The following ZIC1 variants were observed in gnomAD, a reference collection of about 807,000 sequenced individuals.
ZIC1 encodes Zic family zinc finger 1.
ZIC1 carries 4 observed loss-of-function variants against 30.9 expected under a neutral mutation model. The ratio of observed to expected loss-of-function variants is 0.13; its 90% CI spans 0.06 to 0.30. ZIC1 has a LOEUF of 0.30. Ranked by LOEUF, ZIC1 falls within the 10% of genes least tolerant of loss-of-function variation. ZIC1 has a pLI of 1.00. For synonymous variants in ZIC1, 305 were observed against 277.5 expected (o/e 1.10, Z -0.98); for missense variants, 441 against 639.3 (o/e 0.69, Z 3.34).
Position 147,413,371 on chromosome 3 carries a change from G to T in ZIC1, c.1164G>T (p.Ser388=), listed in dbSNP as rs770353879. 2 of 1,613,292 alleles carry T rather than the reference G, an allele frequency of 1.2e-6. No homozygotes were observed. The highest frequency in any genetic ancestry group is 2.2e-5 in the East Asian group (1 of 44,842). The change falls in exon 3 of 3, where the codon TCG becomes TCT. Residue 388 remains serine (S), a synonymous_variant. Coordinates refer to ENST00000282928, the MANE Select transcript of ZIC1 (RefSeq NM_003412.4). ...RKHMKVHESS[S]QGSQPSPAAS... Reference sequence around the variant, plus strand: ...TCCTGCAGGTCCACGAATCCTCCTCGCAGGGCTCGCAGCCTTCGCCGGCCG... The same window carrying T: ...TCCTGCAGGTCCACGAATCCTCCTCTCAGGGCTCGCAGCCTTCGCCGGCCG...
rs1325533440 is a variant in ZIC1, at chr3:147,413,491, A to T, written c.1284A>T (p.Ala428=). Residue 428 remains alanine, a synonymous_variant, in exon 3 of 3, where the codon GCA becomes GCT. Transcript: ENST00000282928. The part of the protein sequence containing the change: ...TTSSLSPSSS[A]VHHTAGHSAL... ...GCTCCTTATCGCCCTCCTCCTCCGC[A>T]GTCCACCACACAGCCGGCCACAGTG... 6.2e-7 allele frequency: 1 copy of T among 1,614,130 alleles called. No homozygotes were observed. The highest frequency in any genetic ancestry group is 8.5e-7 in the Non-Finnish European group (1 of 1,180,014).
intron 1 of ZIC1, 104 bp from the exon 2 acceptor site, chr3:147,412,414 G>A: frequency 1.4e-6 from 2 of 1,392,838 alleles, no homozygotes; most frequent in Non-Finnish European, 2.0e-6. Flanking sequence ...CTAATCCTGG[G>A]CTGCTGGCTT....
At position 147,410,259 on chromosome 3, in the gene ZIC1, C is replaced by G. The variant is rs757550900; in HGVS notation, c.147C>G (p.Leu49=). Reference sequence around the variant, plus strand: ...CCGACGGCATGGGCGCCTTCAAGCTCAACCCCAGTTCGCACGAGCTGGCTT... The same window carrying G: ...CCGACGGCATGGGCGCCTTCAAGCTGAACCCCAGTTCGCACGAGCTGGCTT... ...PFADGMGAFK[L]NPSSHELASA... is the part of the protein sequence containing the mutation. The change falls in exon 1 of 3, where the codon CTC becomes CTG. Residue 49 remains leucine, a synonymous_variant. Coordinates refer to ENST00000282928, the MANE Select transcript of ZIC1 (RefSeq NM_003412.4). 6.2e-7 allele frequency: 1 copy of G among 1,601,060 alleles called. No homozygotes were observed. Among genetic ancestry groups the G allele is most frequent in the East Asian group, 2.2e-5 (1 of 44,838 alleles).
rs1368701465 is a variant in ZIC1, at chr3:147,413,748, A to T, written c.*197A>T. On this transcript the variant is annotated 3_prime_UTR_variant, in exon 3 of 3. Transcript: ENST00000282928. ...CTTTTAAAAATTTCCTTTCGCTTTC[A>T]TTATTTTTCTTTTTTTGGCAAAGGC... 1.5e-6 allele frequency: 1 copy of T among 645,810 alleles called. No individual in the cohort carries two copies. Among genetic ancestry groups the T allele is most frequent in the East Asian group, 3.4e-5 (1 of 29,422 alleles). 40.0% of individuals were successfully genotyped at this position (645,810 alleles called of 1,614,324 possible).
At chr3:147,412,720 G>A in intron 2 of ZIC1, 39 bp downstream of exon 2, 2 of 1,588,476 alleles carry the variant, frequency 1.3e-6, no homozygotes, top group Middle Eastern at 1.7e-4. Flanking sequence ...TGAGGCAGGA[G>A]CTCTCTTGGC....
Position 147,414,750 on chromosome 3 carries a change from C to G in ZIC1, c.*1199C>G, listed in dbSNP as rs1487887337. ...GAGAGAGTGTAATTAGTATTTATAT[C>G]AAAATTTATGAAACAAATTTTCGGC... On this transcript the variant is annotated 3_prime_UTR_variant, in exon 3 of 3. Transcript: ENST00000282928. The G allele has an allele frequency of 6.6e-6, 1 of 152,496 alleles. No individual in the cohort carries two copies. The highest frequency in any genetic ancestry group is 1.9e-4 in the East Asian group (1 of 5,196). The allele number at this position is 152,496 out of a possible 1,614,324, so 9.4% of individuals were successfully genotyped here.
rs182740602 is a variant in ZIC1, at chr3:147,411,816, G to A, written c.983-702G>A. ...GCCTTTAAAAATAATCAAGACACAG[G>A]TCCGGAACAGTTAAAAAAAAAAAAA... is the stretch of plus-strand genomic sequence containing the variant. On this transcript the variant is annotated intron_variant, in intron 1 of 2. Coordinates refer to ENST00000282928, the MANE Select transcript of ZIC1 (RefSeq NM_003412.4). Among the ~76,000 whole-genome samples the A allele has an allele frequency of 1.1e-4, 17 of 149,840 alleles. No homozygotes were observed. The East Asian group carries it at 2.8e-3, about 25-fold the overall frequency.
rs551961510 is a variant in ZIC1 at position 147,410,041 on chromosome 3, C to G, written c.-72C>G. Reference sequence around the variant, plus strand: ...TCCTCCTCTTGTTCCTCCTCCTCCTCCCGATTTTCCCTCCTCGGCTGGCGA... The same window carrying G: ...TCCTCCTCTTGTTCCTCCTCCTCCTGCCGATTTTCCCTCCTCGGCTGGCGA... On this transcript the variant is annotated 5_prime_UTR_variant, in exon 1 of 3. Transcript: ENST00000282928. The G allele has an allele frequency of 9.2e-6, 13 of 1,406,420 alleles. No homozygotes were observed. In the South Asian group the frequency reaches 1.7e-4, roughly 18 times the overall value. The allele number at this position is 1,406,420 out of a possible 1,614,324, so 87.1% of individuals were successfully genotyped here. A position where few individuals can be genotyped will look rare whatever the true frequency, so the allele number is the denominator to read the frequency against.
At position 147,413,445 on chromosome 3, in the gene ZIC1, C is replaced by A. The variant is rs2087400556; in HGVS notation, c.1238C>A (p.Ser413Tyr). ...SSTPPTIVSP[S>Y]TDNPTTSSLS... The stretch of plus-strand genomic sequence containing the variant: ...ACGCCTCCCACCATCGTGTCTCCCT[C>A]CACAGACAACCCGACCACAAGCTCC... The change falls in exon 3 of 3, where the codon TCC becomes TAC. Residue 413 changes from serine to tyrosine, a missense_variant. Physicochemically the swap from Ser to Tyr is moderately radical, Grantham distance 144 (BLOSUM62 -2). Transcript: ENST00000282928. 1 of 1,614,104 alleles carries A rather than the reference C, an allele frequency of 6.2e-7. No homozygotes were observed. Among genetic ancestry groups the A allele is most frequent in the African/African-American group, 1.3e-5 (1 of 74,930 alleles).
In ZIC1 at chr3:147,410,343, G is replaced by A. The variant is rs369015530; in HGVS notation, c.231G>A (p.Leu77=). ...QAPGYAAAAA[L]GHHHHPGHVG... ...CAGGCTACGCGGCTGCTGCGGCCCT[G>A]GGCCATCACCATCACCCGGGCCACG... Residue 77 remains leucine, a synonymous_variant, in exon 1 of 3, where the codon CTG becomes CTA. Coordinates refer to ENST00000282928, the MANE Select transcript of ZIC1 (RefSeq NM_003412.4). The A allele has an allele frequency of 5.7e-5, 91 of 1,600,634 alleles. 1 individual carries two copies. In the South Asian group the frequency reaches 7.3e-4, roughly 13 times the overall value.
chr3:147,412,802 G>A, intron 2 of ZIC1, 121 bp downstream of exon 2: 2 of 1,262,116 alleles, frequency 1.6e-6, no homozygotes, highest in Non-Finnish European at 2.2e-6. Context: ...GAAGGCAAAG[G>A]TTCCACTCAG....
At position 147,413,842 on chromosome 3, in the gene ZIC1, G is replaced by A. The variant is rs2087406028; in HGVS notation, c.*291G>A. The A allele has an allele frequency of 7.0e-6, 2 of 283,700 alleles. No individual in the cohort carries two copies. The highest frequency in any genetic ancestry group is 2.0e-4 in the South Asian group (2 of 10,170). The allele number at this position is 283,700 out of a possible 1,614,324, so 17.6% of individuals were successfully genotyped here. A position where few individuals can be genotyped will look rare whatever the true frequency, so the allele number is the denominator to read the frequency against. ...CCTGACCAAATGCCGCCAACCCCGAGGGCCAGTTTCTTGTCGAATTGGTAC... is the reference window on the plus strand; with the variant it reads ...CCTGACCAAATGCCGCCAACCCCGAAGGCCAGTTTCTTGTCGAATTGGTAC... On this transcript the variant is annotated 3_prime_UTR_variant, in exon 3 of 3. Coordinates refer to ENST00000282928, the MANE Select transcript of ZIC1 (RefSeq NM_003412.4).
chr3:147,411,242 T>G, intron 1 of ZIC1, 148 bp downstream of exon 1: 1 of 1,141,468 alleles, frequency 8.8e-7, no homozygotes, highest in Non-Finnish European at 1.2e-6. Flanking sequence ...GTGCGCTGAT[T>G]TTTAGTTTCT....
In ZIC1 at chr3:147,414,094, G is replaced by A. The variant is rs946990447; in HGVS notation, c.*543G>A. The stretch of plus-strand genomic sequence containing the variant: ...CGGCCGAAAGCCAACTGTTTGTACT[G>A]AATGGCAAGAATGTTCTAGTAAATG... On this transcript the variant is annotated 3_prime_UTR_variant, in exon 3 of 3. Transcript: ENST00000282928. 6.6e-6 allele frequency: 1 copy of A among 151,954 alleles called. No homozygotes were observed. 9.4% of individuals were successfully genotyped at this position (151,954 alleles called of 1,614,324 possible).
chr3:147,410,105 C>A lies in ZIC1; in HGVS notation c.-8C>A. 6.6e-7 allele frequency: 1 copy of A among 1,505,478 alleles called. No individual in the cohort carries two copies. Among genetic ancestry groups the A allele is most frequent in the Non-Finnish European group, 8.8e-7 (1 of 1,137,692 alleles). 93.3% of individuals were successfully genotyped at this position (1,505,478 alleles called of 1,614,324 possible). ...GGGGGAGGCCGGGGCTCGCCCCGAG[C>A]AGCCACGATGCTCCTGGACGCCGGC... On this transcript the variant is annotated 5_prime_UTR_variant, in exon 1 of 3. Coordinates refer to ENST00000282928, the MANE Select transcript of ZIC1 (RefSeq NM_003412.4).
chr3:147,411,106 G>A lies in ZIC1; in HGVS notation c.982+12G>A. ...AAGGACGCACACAGGTACGGAAACA[G>A]CTGTAGGACCCCTACCCATTCCCAC... On this transcript the variant is annotated intron_variant, in intron 1 of 2. Coordinates refer to ENST00000282928, the MANE Select transcript of ZIC1 (RefSeq NM_003412.4). 1 of 1,605,882 alleles carries A rather than the reference G, an allele frequency of 6.2e-7. No individual in the cohort carries two copies. The highest frequency in any genetic ancestry group is 8.5e-7 in the Non-Finnish European group (1 of 1,175,902).
rs375359511 is a variant in ZIC1, at chr3:147,411,115, C to T, written c.982+21C>T. On this transcript the variant is annotated intron_variant, in intron 1 of 2. Transcript: ENST00000282928. ...CACAGGTACGGAAACAGCTGTAGGA[C>T]CCCTACCCATTCCCACTTGGGCCTG... 43 of 1,596,532 alleles carry T rather than the reference C, an allele frequency of 2.7e-5. No individual in the cohort carries two copies. In the African/African-American group the frequency reaches 4.4e-4, roughly 16 times the overall value.
At position 147,412,722 on chromosome 3, in the gene ZIC1, T is replaced by G. The variant is rs547748142; in HGVS notation, c.1146+41T>G. ...TCGTCGCCCCCTTTGAGGCAGGAGC[T>G]CTCTTGGCTCTCGGCTTGGGGTCGG... On this transcript the variant is annotated intron_variant, in intron 2 of 2. Coordinates refer to ENST00000282928, the MANE Select transcript of ZIC1 (RefSeq NM_003412.4). 28 of 1,587,948 alleles carry G rather than the reference T, an allele frequency of 1.8e-5. No individual in the cohort carries two copies. The South Asian group carries it at 2.9e-4, about 17-fold the overall frequency.
rs1360954147 is a variant in ZIC1, at chr3:147,414,033, C to G, written c.*482C>G. On this transcript the variant is annotated 3_prime_UTR_variant, in exon 3 of 3. Transcript: ENST00000282928. ...TTGCATTGGGGGAGGGGGGAGGGACCGGATGGGCGGGGGGAGGGGGAGGGG... is the reference window on the plus strand; with the variant it reads ...TTGCATTGGGGGAGGGGGGAGGGACGGGATGGGCGGGGGGAGGGGGAGGGG... The G allele has an allele frequency of 7.6e-5, 2 of 26,398 alleles. No individual in the cohort carries two copies. Among genetic ancestry groups the G allele is most frequent in the African/African-American group, 1.7e-4 (1 of 5,776 alleles). The allele number at this position is 26,398 out of a possible 1,614,324, so 1.6% of individuals were successfully genotyped here. A position where few individuals can be genotyped will look rare whatever the true frequency, so the allele number is the denominator to read the frequency against.
Sources: allele counts gnomAD v4.1 joint callset (sites outside exome capture counted in the v4.1 genomes callset), GRCh38; gene constraint gnomAD v4.1.1; transcripts MANE v1.5; gene names NCBI Gene and HGNC (gene_info 2026-07-23, HGNC 2026-07-21).